TP63: variants seen among roughly 807,000 people sequenced by gnomAD.
The protein encoded by TP63 is tumor protein 63.
A neutral mutation model predicts 82.8 loss-of-function variants in TP63; 17 were observed. The observed-to-expected ratio is 0.21, with a 90% confidence interval of 0.14 to 0.31. TP63 has a LOEUF of 0.31. TP63 is among the 10% of genes least tolerant of loss of function. The probability of loss-of-function intolerance (pLI) is 1.00; values close to 1 mark genes in which losing one functional copy is unlikely to be tolerated. For missense variants in TP63, 648 were observed against 895.3 expected, an observed-to-expected ratio of 0.72 and a Z score of 3.52; for synonymous variants, 330 against 321.7, an observed-to-expected ratio of 1.03 and a Z score of -0.28.
chr3:189,767,207 G>A (rs1300954508), intron 3 of TP63, among the ~76,000 whole-genome samples: 1 of 151,978 alleles, frequency 6.6e-6, no homozygotes, highest in Non-Finnish European at 1.5e-5. Context: ...AGCATCTTAG[G>A]CAATCACAGA....
At chr3:189,789,848 G>C in intron 3 of TP63, 1 of 1,580,864 alleles carries the variant, frequency 6.3e-7, no homozygotes, top group Non-Finnish European at 8.6e-7. Flanking sequence ...GTGAGGTAAG[G>C]ATTTTAGATT....
chr3:189,655,006 C>G (rs1042623469), intron 1 of TP63, among the ~76,000 whole-genome samples: 1 of 152,102 alleles, frequency 6.6e-6, no homozygotes, highest in African/African-American at 2.4e-5. Flanking sequence ...GCAGTGACTA[C>G]TGCAGTGCTG....
the TP63 span, among the ~76,000 whole-genome samples, chr3:189,610,587 A>G: frequency 6.6e-6 from 1 of 152,164 alleles, no homozygotes. Flanking sequence ...ATGTTGTGCA[A>G]AGCCATTCAT....
At chr3:189,619,168 C>T in the TP63 span, among the ~76,000 whole-genome samples, 2 of 152,134 alleles carry the variant, frequency 1.3e-5, no homozygotes, top group Non-Finnish European at 2.9e-5. Flanking sequence ...ATGACCAGTA[C>T]GTCTTCAGCT....
At chr3:189,710,014 T>A (rs1718480072) in intron 1 of TP63, among the ~76,000 whole-genome samples, 1 of 152,168 alleles carries the variant, frequency 6.6e-6, no homozygotes, top group South Asian at 2.1e-4. Context: ...TACTTAGTAA[T>A]AGCAAAAATA....
rs35520871 is a variant in TP63, at chr3:189,686,731, G to GTT, written c.63-50993_63-50992dup. Among the ~76,000 whole-genome samples, 228 of 114,250 alleles carry GTT rather than the reference G, an allele frequency of 2.0e-3. 4 individuals are homozygous for GTT. In the East Asian group the frequency reaches 0.029, roughly 15 times the overall value. The allele number at this position is 114,250 out of a possible 152,430, so 75.0% of individuals were successfully genotyped here. A position where few individuals can be genotyped will look rare whatever the true frequency, so the allele number is the denominator to read the frequency against. On this transcript the variant is annotated intron_variant, in intron 1 of 13. Coordinates refer to ENST00000264731, the MANE Select transcript of TP63 (RefSeq NM_003722.5). The stretch of plus-strand genomic sequence containing the variant: ...TCAGGGGGTGGGGGGCAGGGGCAGG[G>GTT]TTTTTTTTTTTTTTTTTGAGACAGA...
intron 4 of TP63, among the ~76,000 whole-genome samples, chr3:189,858,068 T>C (rs1176457256): frequency 6.6e-6 from 1 of 152,232 alleles, no homozygotes; most frequent in Non-Finnish European, 1.5e-5. Flanking sequence ...AGCCAAGATA[T>C]GCAATCAACC....
intron 10 of TP63, among the ~76,000 whole-genome samples, chr3:189,884,048 G>A (rs571819068): frequency 1.3e-5 from 2 of 152,236 alleles, no homozygotes; most frequent in East Asian, 1.9e-4. Context: ...ACTGGTTTGA[G>A]GAGGGACAGA....
At chr3:189,836,002 G>A (rs375213751) in intron 4 of TP63, among the ~76,000 whole-genome samples, 5 of 151,328 alleles carry the variant, frequency 3.3e-5, no homozygotes, top group Admixed American at 6.6e-5. Flanking sequence ...TGGCTCACGC[G>A]TCAGACTTCC....
At chr3:189,685,914 G>A (rs1488763601) in intron 1 of TP63, among the ~76,000 whole-genome samples, 1 of 152,104 alleles carries the variant, frequency 6.6e-6, no homozygotes, top group Non-Finnish European at 1.5e-5. Flanking sequence ...CAAAGAGAAG[G>A]GGGATAAAAT....
chr3:189,747,609 A>G (rs1721476675), intron 3 of TP63, among the ~76,000 whole-genome samples: 1 of 152,130 alleles, frequency 6.6e-6, no homozygotes, highest in South Asian at 2.1e-4. Context: ...GTTTATAGTA[A>G]TAAATGCCTA....
chr3:189,672,664 AGAAGGAAGGAAGGAAG>A (rs71173301), intron 1 of TP63, among the ~76,000 whole-genome samples: 404 of 118,754 alleles, frequency 3.4e-3, no homozygotes, highest in Admixed American at 4.0e-3. Flanking sequence ...AAGGAAGGAA[AGAAGGAAGGAAGGAAG>A]GAAGGAAGGA....
At chr3:189,601,099 A>G in the TP63 span, among the ~76,000 whole-genome samples, 1 of 152,312 alleles carries the variant, frequency 6.6e-6, no homozygotes, top group South Asian at 2.1e-4. Flanking sequence ...CTTATTTTTA[A>G]TCCCATAGTT....
intron 4 of TP63, among the ~76,000 whole-genome samples, chr3:189,855,501 G>A (rs1018013020): frequency 1.3e-5 from 2 of 151,962 alleles, no homozygotes; most frequent in African/African-American, 4.8e-5. Context: ...TTTAACTGGA[G>A]TAAAATTTAT....
intron 3 of TP63, among the ~76,000 whole-genome samples, chr3:189,773,056 T>C (rs759769223): frequency 1.3e-5 from 2 of 152,178 alleles, no homozygotes; most frequent in African/African-American, 2.4e-5. Context: ...CAAAGAAAGA[T>C]CAGCGGTAAA....
chr3:189,596,754 GCTGGGGTCAC>G, the TP63 span, among the ~76,000 whole-genome samples: 1 of 152,150 alleles, frequency 6.6e-6, no homozygotes, highest in Non-Finnish European at 1.5e-5. Context: ...GTGGCAACCC[GCTGGGGTCAC>G]CTTCCACACT....
intron 1 of TP63, among the ~76,000 whole-genome samples, chr3:189,680,081 T>A (rs1291600918): frequency 1.3e-5 from 2 of 152,166 alleles, no homozygotes; most frequent in Non-Finnish European, 2.9e-5. Flanking sequence ...CTATTTGGGC[T>A]CTTTTGTGGT....
chr3:189,881,535 T>C (rs7613791), intron 10 of TP63: 544,632 of 984,368 alleles, frequency 0.55, 151,858 homozygotes, highest in African/African-American at 0.65. Context: ...TCACTTTTTT[T>C]CCACTAAATA....
intron 1 of TP63, among the ~76,000 whole-genome samples, chr3:189,689,899 G>A (rs1716779818): frequency 1.3e-5 from 2 of 152,090 alleles, no homozygotes; most frequent in Admixed American, 1.3e-4. Flanking sequence ...GGTGAATATT[G>A]AGAACAATGA....
Sources: gnomAD v4.1 joint callset for allele counts (sites outside exome capture counted in the v4.1 genomes callset) on GRCh38, gnomAD v4.1.1 for gene constraint, MANE v1.5 for transcripts, NCBI Gene and HGNC (gene_info 2026-07-23, HGNC 2026-07-21) for gene names.